Variants in SMYD3 observed in about 807,000 individuals in gnomAD.
The protein encoded by SMYD3 is histone-lysine N-methyltransferase SMYD3.
SMYD3 carries 36 observed loss-of-function variants against 57.7 expected under a neutral mutation model. The ratio of observed to expected loss-of-function variants is 0.62; its 90% CI spans 0.48 to 0.82. The LOEUF is 0.82. Ranked by LOEUF, SMYD3 falls within the 40% of genes least tolerant of loss-of-function variation. The pLI, the probability that SMYD3 is intolerant of heterozygous loss-of-function variation, is 0.00. For missense variants in SMYD3, 515 were observed against 538.8 expected, an observed-to-expected ratio of 0.96 and a Z score of 0.44; for synonymous variants, 211 against 195.0, an observed-to-expected ratio of 1.08 and a Z score of -0.68.
intron 2 of SMYD3, among the ~76,000 whole-genome samples, chr1:246,342,437 G>T (rs1318470286): frequency 6.6e-6 from 1 of 152,192 alleles, no homozygotes; most frequent in Non-Finnish European, 1.5e-5. Flanking sequence ...TCCTTGAAAT[G>T]TAGTCCAATA....
intron 1 of SMYD3, among the ~76,000 whole-genome samples, chr1:246,469,645 A>G (rs10924739): frequency 0.46 from 70,041 of 151,942 alleles, 16,516 homozygotes; most frequent in Middle Eastern, 0.65. Flanking sequence ...CTAATAATAA[A>G]TAGATACATA....
At chr1:246,462,750 G>A (rs761131494) in intron 1 of SMYD3, among the ~76,000 whole-genome samples, 5 of 152,076 alleles carry the variant, frequency 3.3e-5, no homozygotes, top group Non-Finnish European at 5.9e-5. Context: ...CTCACTCTAT[G>A]AGCTAACAAA....
intron 8 of SMYD3, among the ~76,000 whole-genome samples, chr1:245,871,016 C>T (rs1460375959): frequency 6.6e-6 from 1 of 152,168 alleles, no homozygotes. Flanking sequence ...ATCCAGTACT[C>T]ATGCAAACTC....
intron 10 of SMYD3, among the ~76,000 whole-genome samples, chr1:245,786,390 A>G (rs879358964): frequency 6.6e-6 from 1 of 152,146 alleles, no homozygotes; most frequent in Non-Finnish European, 1.5e-5. Flanking sequence ...AAAACTGTAC[A>G]GTTTATCATG....
chr1:245,862,006 C>G (rs985458513), intron 9 of SMYD3, among the ~76,000 whole-genome samples: 26 of 152,104 alleles, frequency 1.7e-4, no homozygotes, highest in African/African-American at 6.0e-4. Context: ...ATACCGCTGC[C>G]AGGGACCACA....
chr1:245,781,843 T>C (rs945782194), intron 10 of SMYD3, among the ~76,000 whole-genome samples: 7 of 152,030 alleles, frequency 4.6e-5, no homozygotes, highest in African/African-American at 1.7e-4. Context: ...GTGGCATGCA[T>C]CTGTAATCCC....
intron 5 of SMYD3, among the ~76,000 whole-genome samples, chr1:246,091,909 G>A (rs2060829950): frequency 6.6e-6 from 1 of 152,104 alleles, no homozygotes; most frequent in South Asian, 2.1e-4. Context: ...AAACAGACAA[G>A]AAAATAGGTG....
chr1:245,934,628 C>T (rs2056901508), intron 5 of SMYD3, among the ~76,000 whole-genome samples: 1 of 152,134 alleles, frequency 6.6e-6, no homozygotes, highest in African/African-American at 2.4e-5. Context: ...GGGGACCAGG[C>T]TGGCGACGGA....
At chr1:245,813,060 G>A (rs1298863060) in intron 10 of SMYD3, among the ~76,000 whole-genome samples, 3 of 141,888 alleles carry the variant, frequency 2.1e-5, no homozygotes, top group East Asian at 4.4e-4. Context: ...TGTTGCCCAG[G>A]CTGGAGTGCA....
intron 5 of SMYD3, among the ~76,000 whole-genome samples, chr1:246,276,782 T>G (rs1477743352): frequency 1.3e-5 from 2 of 151,032 alleles, no homozygotes; most frequent in African/African-American, 4.9e-5. Flanking sequence ...CTAGCCGTAT[T>G]AACACTGGCA....
chr1:246,444,888 G>A (rs772944128), intron 1 of SMYD3, among the ~76,000 whole-genome samples: 20 of 152,290 alleles, frequency 1.3e-4, no homozygotes, highest in African/African-American at 3.6e-4. Context: ...TTTAGGATAC[G>A]CAAATTTGAC....
At chr1:246,024,824 G>C (rs2059545670) in intron 5 of SMYD3, among the ~76,000 whole-genome samples, 1 of 137,276 alleles carries the variant, frequency 7.3e-6, no homozygotes, top group Non-Finnish European at 1.6e-5. Context: ...TAGGAAGGGA[G>C]ATACAGCAAG....
chr1:245,946,306 C>T (rs2057426847), intron 5 of SMYD3, among the ~76,000 whole-genome samples: 1 of 152,144 alleles, frequency 6.6e-6, no homozygotes, highest in African/African-American at 2.4e-5. Flanking sequence ...TCAAAGCTCT[C>T]CTCCACCACC....
chr1:246,253,762 G>GTTAT (rs1258981456), intron 5 of SMYD3, among the ~76,000 whole-genome samples: 5 of 152,176 alleles, frequency 3.3e-5, no homozygotes, highest in Non-Finnish European at 5.9e-5. Flanking sequence ...CAGCTTGAAC[G>GTTAT]TTATTGGTGC....
intron 5 of SMYD3, among the ~76,000 whole-genome samples, chr1:246,273,869 G>A (rs1411950956): frequency 2.0e-5 from 3 of 152,120 alleles, no homozygotes; most frequent in South Asian, 2.1e-4. Flanking sequence ...GAACCACTGC[G>A]CCCGGCCACT....
chr1:245,927,286 A>G (rs1481757708), intron 7 of SMYD3, among the ~76,000 whole-genome samples: 2 of 152,186 alleles, frequency 1.3e-5, no homozygotes, highest in African/African-American at 4.8e-5. Flanking sequence ...AAGGTTCTGC[A>G]CCAAAAGAGG....
intron 1 of SMYD3, among the ~76,000 whole-genome samples, chr1:246,461,199 A>C (rs2067792176): frequency 6.6e-6 from 1 of 152,238 alleles, no homozygotes; most frequent in African/African-American, 2.4e-5. Flanking sequence ...AATTAATTCA[A>C]GCATGTTTAT....
intron 5 of SMYD3, among the ~76,000 whole-genome samples, chr1:246,192,488 C>A (rs983752521): frequency 2.0e-5 from 3 of 151,454 alleles, no homozygotes; most frequent in Non-Finnish European, 4.4e-5. Flanking sequence ...ACTCCTGGGC[C>A]GAAGCGATCC....
At chr1:245,862,227 A>G (rs145815708) in intron 9 of SMYD3, among the ~76,000 whole-genome samples, 1 of 152,326 alleles carries the variant, frequency 6.6e-6, no homozygotes, top group African/African-American at 2.4e-5. Flanking sequence ...AACTGAATAG[A>G]AAATTCCAGA....
Sources: allele counts gnomAD v4.1 joint callset (sites outside exome capture counted in the v4.1 genomes callset), GRCh38; gene constraint gnomAD v4.1.1; transcripts MANE v1.5; gene names NCBI Gene and HGNC (gene_info 2026-07-23, HGNC 2026-07-21).